METTL15: variants seen among roughly 807,000 people sequenced by gnomAD.
METTL15 encodes the protein methyltransferase 15, mitochondrial 12S rRNA N4-cytidine.
A neutral mutation model predicts 38.3 loss-of-function variants in METTL15; 34 were observed. The ratio of observed to expected loss-of-function variants is 0.89; its 90% CI spans 0.68 to 1.18. The LOEUF (loss-of-function observed/expected upper bound fraction) is 1.18, where lower values mean the gene tolerates loss of function less well. Among genes scored for constraint, METTL15 ranks in the 50% most tolerant of loss-of-function variants. The probability of loss-of-function intolerance (pLI) is 0.00; values close to 1 mark genes in which losing one functional copy is unlikely to be tolerated. For missense variants in METTL15, 438 were observed against 498.4 expected, an observed-to-expected ratio of 0.88 and a Z score of 1.15; for synonymous variants, 162 against 170.9, an observed-to-expected ratio of 0.95 and a Z score of 0.41.
chr11:28,256,158 C>T (rs140213740), intron 4 of METTL15, among the ~76,000 whole-genome samples: 38 of 152,246 alleles, frequency 2.5e-4, no homozygotes, highest in African/African-American at 2.9e-4. Context: ...GGCCTGTAGT[C>T]GGTTTTGATG....
At chr11:28,150,854 G>A (rs921959821) in intron 3 of METTL15, among the ~76,000 whole-genome samples, 1 of 151,652 alleles carries the variant, frequency 6.6e-6, no homozygotes, top group African/African-American at 2.4e-5. Flanking sequence ...ACCTGAAACT[G>A]TTCCAGCCTG....
chr11:28,294,774 C>G (rs186576404), intron 5 of METTL15, among the ~76,000 whole-genome samples: 162 of 152,164 alleles, frequency 1.1e-3, no homozygotes, highest in African/African-American at 2.1e-3. Context: ...AGTGTTGCAC[C>G]TTTTGCACTG....
intron 6 of METTL15, among the ~76,000 whole-genome samples, chr11:28,468,851 GA>G (rs1851279316): frequency 6.6e-6 from 1 of 152,172 alleles, no homozygotes; most frequent in Non-Finnish European, 1.5e-5. Flanking sequence ...ATGGTTGAAT[GA>G]AAGATTGAAT....
rs139242328 is a variant in METTL15 at position 28,124,524 on chromosome 11, T to G, written c.270+10920T>G. Among the ~76,000 whole-genome samples the G allele has an allele frequency of 1.1e-3, 172 of 152,128 alleles. 4 individuals carry two copies. The East Asian group carries it at 0.029, about 26-fold the overall frequency. ...ATGACAGTATCAGAAGATAAATTGC[T>G]CAAAGAAAGATATGGGATAAGCCAA... On this transcript the variant is annotated intron_variant, in intron 3 of 6. Coordinates refer to ENST00000407364, the MANE Select transcript of METTL15 (RefSeq NM_001113528.2).
chr11:28,178,759 TAC>T (rs1316809399), intron 3 of METTL15, among the ~76,000 whole-genome samples: 2 of 151,856 alleles, frequency 1.3e-5, no homozygotes, highest in Non-Finnish European at 2.9e-5. Context: ...TTTACATTAA[TAC>T]TTTCAAATCT....
At chr11:28,470,933 CT>C (rs1851298534) in intron 6 of METTL15, among the ~76,000 whole-genome samples, 2 of 152,222 alleles carry the variant, frequency 1.3e-5, no homozygotes, top group African/African-American at 4.8e-5. Context: ...CACAATCCCC[CT>C]ACCCCATCAC....
chr11:28,255,535 G>T (rs920457893), intron 4 of METTL15, among the ~76,000 whole-genome samples: 1 of 152,274 alleles, frequency 6.6e-6, no homozygotes, highest in African/African-American at 2.4e-5. Context: ...AGATCTTAGA[G>T]AAAAGGCTTT....
intron 5 of METTL15, among the ~76,000 whole-genome samples, chr11:28,379,227 T>A (rs1850355960): frequency 6.6e-6 from 1 of 152,112 alleles, no homozygotes. Flanking sequence ...TGCTTTGATT[T>A]TTATTATTTA....
chr11:28,108,926 A>G (rs1301231420), intron 1 of METTL15, among the ~76,000 whole-genome samples: 2 of 152,194 alleles, frequency 1.3e-5, no homozygotes, highest in Non-Finnish European at 2.9e-5. Context: ...GTTTGCTAAA[A>G]TAACTTTATT....
rs149551032 is a variant in METTL15 at position 28,313,007 on chromosome 11, G to A, written c.778+16076G>A. 5.1e-3 allele frequency among the ~76,000 whole-genome samples: 772 copies of A among 149,988 alleles called. 8 individuals are homozygous for A. Among genetic ancestry groups the A allele is most frequent in the African/African-American group, 0.017 (689 of 40,676 alleles). On this transcript the variant is annotated intron_variant, in intron 6 of 6. Transcript: ENST00000407364. ...TTTCTTTTTAAGCCCTGTCACTCTC[G>A]TATTATTAGTCAGAGTTCATGTCTC... is the stretch of plus-strand genomic sequence containing the variant.
At chr11:28,210,388 A>T (rs1433415272) in intron 3 of METTL15, among the ~76,000 whole-genome samples, 1 of 151,844 alleles carries the variant, frequency 6.6e-6, no homozygotes, top group Non-Finnish European at 1.5e-5. Context: ...TAACCGCTGA[A>T]GACACTGGAA....
intron 3 of METTL15, among the ~76,000 whole-genome samples, chr11:28,194,599 A>AT (rs913544799): frequency 9.2e-5 from 14 of 152,070 alleles, no homozygotes; most frequent in African/African-American, 2.4e-4. Flanking sequence ...AGACAAATAC[A>AT]TTTTTTAATA....
At chr11:28,420,338 A>T (rs1229029255) in intron 5 of METTL15, among the ~76,000 whole-genome samples, 1 of 152,146 alleles carries the variant, frequency 6.6e-6, no homozygotes, top group Non-Finnish European at 1.5e-5. Context: ...ACAAAGAAAC[A>T]TTGGACTTAA....
chr11:28,199,866 C>T (rs978609885), intron 3 of METTL15, among the ~76,000 whole-genome samples: 1 of 151,906 alleles, frequency 6.6e-6, no homozygotes, highest in Non-Finnish European at 1.5e-5. Context: ...CCCCAGCCTC[C>T]CAAGTAGCTG....
chr11:28,318,306 C>T (rs965953365), intron 6 of METTL15, among the ~76,000 whole-genome samples: 1 of 151,858 alleles, frequency 6.6e-6, no homozygotes, highest in Non-Finnish European at 1.5e-5. Flanking sequence ...ATCTCTGGAC[C>T]CTTTACAGCC....
At chr11:28,140,403 C>T (rs1436793650) in intron 3 of METTL15, among the ~76,000 whole-genome samples, 1 of 152,148 alleles carries the variant, frequency 6.6e-6, no homozygotes, top group Non-Finnish European at 1.5e-5. Context: ...CTCCAGCATC[C>T]TGTCCTCTGT....
intron 5 of METTL15, among the ~76,000 whole-genome samples, chr11:28,393,367 A>C (rs756861478): frequency 7.2e-5 from 11 of 152,136 alleles, no homozygotes; most frequent in Non-Finnish European, 1.3e-4. Flanking sequence ...CCTGAATAAC[A>C]AATTACCCCA....
At chr11:28,378,157 G>C (rs980799779) in intron 5 of METTL15, among the ~76,000 whole-genome samples, 32 of 152,176 alleles carry the variant, frequency 2.1e-4, no homozygotes, top group African/African-American at 7.5e-4. Context: ...AGGCAGGCAG[G>C]CCTCCTTGAG....
intron 5 of METTL15, among the ~76,000 whole-genome samples, chr11:28,362,811 A>G (rs1372226224): frequency 2.6e-5 from 4 of 152,168 alleles, no homozygotes; most frequent in Admixed American, 1.3e-4. Flanking sequence ...GCTATTATGA[A>G]TAGTGCTGCA....
Sources: gnomAD v4.1 joint callset for allele counts (sites outside exome capture counted in the v4.1 genomes callset) on GRCh38, gnomAD v4.1.1 for gene constraint, MANE v1.5 for transcripts, NCBI Gene and HGNC (gene_info 2026-07-23, HGNC 2026-07-21) for gene names.